SGCZ: variants seen among roughly 807,000 people sequenced by gnomAD.
SGCZ encodes the protein zeta-sarcoglycan.
SGCZ carries 40 observed loss-of-function variants against 41.3 expected under a neutral mutation model. The ratio of observed to expected loss-of-function variants is 0.97; its 90% CI spans 0.75 to 1.26. The LOEUF is 1.26. Among genes scored for constraint, SGCZ ranks in the 50% most tolerant of loss-of-function variants. SGCZ has a pLI of 0.00. For synonymous variants in SGCZ, 206 were observed against 137.5 expected (o/e 1.50, Z -3.49); for missense variants, 552 against 369.8 (o/e 1.49, Z -4.04).
chr8:14,715,830 G>C (rs925615564), intron 1 of SGCZ, among the ~76,000 whole-genome samples: 1 of 151,996 alleles, frequency 6.6e-6, no homozygotes, highest in South Asian at 2.1e-4. Flanking sequence ...CAATTTAGAG[G>C]AGCTTACAAA....
At chr8:14,640,208 C>G (rs2117425357) in intron 1 of SGCZ, among the ~76,000 whole-genome samples, 1 of 151,844 alleles carries the variant, frequency 6.6e-6, no homozygotes, top group South Asian at 2.1e-4. Flanking sequence ...TATCTTCCTT[C>G]TGGATTCATT....
intron 1 of SGCZ, among the ~76,000 whole-genome samples, chr8:15,071,917 T>C (rs1015965270): frequency 3.3e-5 from 5 of 152,256 alleles, no homozygotes; most frequent in Non-Finnish European, 5.9e-5. Context: ...TGGGGAACTA[T>C]AATAGTCAGA....
At chr8:15,177,500 T>A (rs1214805989) in intron 1 of SGCZ, among the ~76,000 whole-genome samples, 1 of 152,186 alleles carries the variant, frequency 6.6e-6, no homozygotes, top group Admixed American at 6.5e-5. Flanking sequence ...AGATTATACA[T>A]TTAATCTTAC....
At chr8:15,078,473 T>A (rs1217071987) in intron 1 of SGCZ, among the ~76,000 whole-genome samples, 1 of 152,028 alleles carries the variant, frequency 6.6e-6, no homozygotes, top group Non-Finnish European at 1.5e-5. Context: ...GGTCTTCTAT[T>A]TGCATACTTA....
intron 1 of SGCZ, among the ~76,000 whole-genome samples, chr8:14,875,342 C>T (rs1327531561): frequency 6.6e-6 from 1 of 152,132 alleles, no homozygotes; most frequent in African/African-American, 2.4e-5. Context: ...AATCACCTTC[C>T]AAAAGCCACA....
chr8:14,272,376 A>G (rs1800094187), intron 3 of SGCZ, among the ~76,000 whole-genome samples: 1 of 152,196 alleles, frequency 6.6e-6, no homozygotes, highest in Admixed American at 6.5e-5. Context: ...TTTTCCTGAG[A>G]CAGTCTCACA....
intron 1 of SGCZ, among the ~76,000 whole-genome samples, chr8:14,730,354 G>C (rs150797856): frequency 6.6e-6 from 1 of 152,148 alleles, no homozygotes; most frequent in Non-Finnish European, 1.5e-5. Context: ...TATGTATACT[G>C]GGGTGGAGTG....
chr8:14,677,010 GAAGA>G (rs1808299652), intron 1 of SGCZ, among the ~76,000 whole-genome samples: 1 of 151,676 alleles, frequency 6.6e-6, no homozygotes, highest in Non-Finnish European at 1.5e-5. Context: ...GATAAGGAAG[GAAGA>G]AATAAAACAA....
At chr8:14,360,849 G>T (rs1481512290) in intron 2 of SGCZ, among the ~76,000 whole-genome samples, 1 of 152,074 alleles carries the variant, frequency 6.6e-6, no homozygotes, top group African/African-American at 2.4e-5. Flanking sequence ...TATTTTTTGA[G>T]AAACCACTTT....
intron 1 of SGCZ, among the ~76,000 whole-genome samples, chr8:14,884,412 C>T (rs530709279): frequency 6.6e-6 from 1 of 151,666 alleles, no homozygotes; most frequent in Non-Finnish European, 1.5e-5. Context: ...GATAAATGAA[C>T]TATTTATTTA....
At chr8:14,229,362 C>A (rs925076817) in intron 4 of SGCZ, among the ~76,000 whole-genome samples, 3 of 151,984 alleles carry the variant, frequency 2.0e-5, no homozygotes, top group Admixed American at 1.3e-4. Context: ...ACCTGAGTTA[C>A]AAAGACTGAG....
At chr8:15,087,285 A>G (rs1300162773) in intron 1 of SGCZ, among the ~76,000 whole-genome samples, 1 of 152,098 alleles carries the variant, frequency 6.6e-6, no homozygotes, top group Admixed American at 6.6e-5. Context: ...AGGCTCAGGA[A>G]CATTTCAATC....
chr8:14,502,330 A>G (rs1006006616), intron 2 of SGCZ, among the ~76,000 whole-genome samples: 18 of 152,250 alleles, frequency 1.2e-4, no homozygotes, highest in African/African-American at 4.3e-4. Context: ...TTGAAGTTGA[A>G]CCATGTCTCA....
chr8:14,430,147 C>T (rs1293953502), intron 2 of SGCZ, among the ~76,000 whole-genome samples: 6 of 143,690 alleles, frequency 4.2e-5, no homozygotes, highest in Non-Finnish European at 8.0e-5. Flanking sequence ...TCCATTGACA[C>T]TATTCCCACA....
At chr8:15,046,254 C>T (rs142590299) in intron 1 of SGCZ, among the ~76,000 whole-genome samples, 12 of 151,858 alleles carry the variant, frequency 7.9e-5, no homozygotes, top group Non-Finnish European at 1.6e-4. Context: ...CACTGAAGAA[C>T]GAGTAAGTGC....
intron 1 of SGCZ, among the ~76,000 whole-genome samples, chr8:14,948,855 C>T (rs539151987): frequency 3.5e-5 from 5 of 144,814 alleles, no homozygotes; most frequent in East Asian, 4.2e-4. Flanking sequence ...CACATTCATT[C>T]TTTAACCCTG....
At chr8:14,681,498 T>C (rs1808445324) in intron 1 of SGCZ, among the ~76,000 whole-genome samples, 1 of 152,216 alleles carries the variant, frequency 6.6e-6, no homozygotes, top group Admixed American at 6.5e-5. Context: ...TACAGAAAGA[T>C]AGATACCACC....
Position 15,078,147 on chromosome 8 carries a change from C to CTTTTTTT in SGCZ, c.39+159431_39+159437dup, listed in dbSNP as rs34411963. Among the ~76,000 whole-genome samples the CTTTTTTT allele has an allele frequency of 1.9e-3, 84 of 44,806 alleles. 18 individuals carry two copies. Among genetic ancestry groups the CTTTTTTT allele is most frequent in the East Asian group, 8.8e-3 (9 of 1,022 alleles). The allele number at this position is 44,806 out of a possible 152,430, so 29.4% of individuals were successfully genotyped here. The stretch of plus-strand genomic sequence containing the variant: ...TGACAGCCTGTTGGCAGGAACTCTT[C>CTTTTTTT]TTTTTTTTTTTTTTTTTTTTTTTTT... On this transcript the variant is annotated intron_variant, in intron 1 of 7. Coordinates refer to ENST00000382080, the MANE Select transcript of SGCZ (RefSeq NM_139167.4).
intron 1 of SGCZ, among the ~76,000 whole-genome samples, chr8:14,902,803 A>G (rs1799010347): frequency 6.6e-6 from 1 of 152,174 alleles, no homozygotes; most frequent in Non-Finnish European, 1.5e-5. Context: ...TCAGGAATAC[A>G]TGCTCTATAG....
Sources: allele counts gnomAD v4.1 joint callset (sites outside exome capture counted in the v4.1 genomes callset), GRCh38; gene constraint gnomAD v4.1.1; transcripts MANE v1.5; gene names NCBI Gene and HGNC (gene_info 2026-07-23, HGNC 2026-07-21).